EYS: variants seen among roughly 807,000 people sequenced by gnomAD.
EYS encodes the protein protein eyes shut homolog.
In EYS, 250 loss-of-function variants were observed where a neutral mutation model predicts 282.1. The observed-to-expected ratio is 0.89, with a 90% CI of 0.80 to 0.98. The LOEUF (loss-of-function observed/expected upper bound fraction) is 0.98, where lower values mean the gene tolerates loss of function less well. EYS is among the 50% of genes least tolerant of loss of function. EYS has a pLI of 0.00. For synonymous variants in EYS, 1,355 were observed against 1,282.9 expected (o/e 1.06, Z -1.20); for missense variants, 4,016 against 3,709.0 (o/e 1.08, Z -2.15).
intron 5 of EYS, among the ~76,000 whole-genome samples, chr6:65,489,188 G>T (rs1765928588): frequency 6.6e-6 from 1 of 152,104 alleles, no homozygotes; most frequent in Non-Finnish European, 1.5e-5. Flanking sequence ...GAGTGAACAG[G>T]CAACCTACAG....
chr6:64,197,261 A>G (rs531147801), intron 31 of EYS, among the ~76,000 whole-genome samples: 2 of 152,028 alleles, frequency 1.3e-5, no homozygotes, highest in Non-Finnish European at 2.9e-5. Flanking sequence ...CGATTTTCTT[A>G]GCTAGTGTTT....
At chr6:64,066,652 G>T (rs993422722) in intron 32 of EYS, among the ~76,000 whole-genome samples, 161 bp from the exon 33 acceptor site, 1 of 152,042 alleles carries the variant, frequency 6.6e-6, no homozygotes, top group Non-Finnish European at 1.5e-5. Context: ...TATTAGAAAC[G>T]TACATTATTG....
At chr6:64,107,285 T>TATATATATA (rs1773053230) in intron 31 of EYS, among the ~76,000 whole-genome samples, 4 of 101,502 alleles carry the variant, frequency 3.9e-5, no homozygotes, top group East Asian at 6.1e-4. Flanking sequence ...ATATATATAT[T>TATATATATA]TATATATATA....
intron 35 of EYS, among the ~76,000 whole-genome samples, chr6:63,886,055 C>T (rs1773254015): frequency 6.6e-6 from 1 of 152,138 alleles, no homozygotes. Context: ...TGAATGTTGG[C>T]ATCTGAGATT....
intron 2 of EYS, among the ~76,000 whole-genome samples, chr6:65,533,867 C>T (rs528632282): frequency 6.6e-6 from 1 of 152,216 alleles, no homozygotes; most frequent in East Asian, 1.9e-4. Flanking sequence ...GACTAAGACA[C>T]TCACTCTGGC....
intron 22 of EYS, among the ~76,000 whole-genome samples, chr6:64,698,544 G>A (rs1770666573): frequency 6.6e-6 from 1 of 152,036 alleles, no homozygotes; most frequent in Admixed American, 6.6e-5. Context: ...GGAGTAAATA[G>A]ACAACCTATG....
chr6:64,232,651 C>T (rs552641278), intron 30 of EYS, among the ~76,000 whole-genome samples: 1 of 152,122 alleles, frequency 6.6e-6, no homozygotes, highest in Non-Finnish European at 1.5e-5. Context: ...TCGGCCCCCC[C>T]AGAGCATTGG....
chr6:64,514,258 G>A (rs2150521234), intron 26 of EYS, among the ~76,000 whole-genome samples: 1 of 151,920 alleles, frequency 6.6e-6, no homozygotes, highest in Admixed American at 6.6e-5. Flanking sequence ...AAAACCAAGT[G>A]TGAGTGAATA....
chr6:64,727,105 A>G (rs972094988), intron 22 of EYS, among the ~76,000 whole-genome samples: 1 of 152,248 alleles, frequency 6.6e-6, no homozygotes, highest in South Asian at 2.1e-4. Context: ...AATGTTTTGT[A>G]CATATAATTT....
chr6:65,079,234 T>C (rs930682493), intron 12 of EYS, among the ~76,000 whole-genome samples: 12 of 152,052 alleles, frequency 7.9e-5, no homozygotes, highest in Admixed American at 5.9e-4. Flanking sequence ...AATAGAAACA[T>C]TGAGAGATGC....
intron 35 of EYS, among the ~76,000 whole-genome samples, chr6:63,934,223 C>T (rs1247285454): frequency 7.9e-5 from 12 of 152,178 alleles, no homozygotes; most frequent in East Asian, 1.9e-4. Context: ...CCAGTTAGAA[C>T]GGCGATCATT....
intron 30 of EYS, among the ~76,000 whole-genome samples, chr6:64,243,677 C>A (rs766263939): frequency 6.6e-6 from 1 of 152,138 alleles, no homozygotes; most frequent in African/African-American, 2.4e-5. Context: ...TTGGTGGATC[C>A]AGCCAGCTTC....
At chr6:64,422,048 A>G (rs997817348) in intron 28 of EYS, among the ~76,000 whole-genome samples, 1 of 152,164 alleles carries the variant, frequency 6.6e-6, no homozygotes, top group African/African-American at 2.4e-5. Context: ...ATCCTACAAT[A>G]CAAAGGACAG....
intron 12 of EYS, among the ~76,000 whole-genome samples, chr6:65,213,777 A>T (rs1477223702): frequency 1.3e-5 from 2 of 152,154 alleles, no homozygotes; most frequent in Non-Finnish European, 2.9e-5. Flanking sequence ...ATAATCCTAC[A>T]TGGCCTTTAA....
intron 14 of EYS, among the ~76,000 whole-genome samples, chr6:64,994,498 C>G (rs1001946917): frequency 6.6e-6 from 1 of 151,960 alleles, no homozygotes; most frequent in African/African-American, 2.4e-5. Context: ...ACAAGCAGGC[C>G]GGTGACTCTT....
chr6:65,685,836 C>A (rs767686711), intron 1 of EYS, among the ~76,000 whole-genome samples: 1 of 151,964 alleles, frequency 6.6e-6, no homozygotes, highest in Non-Finnish European at 1.5e-5. Flanking sequence ...AATATATTCT[C>A]ATTAAAATTC....
At chr6:64,774,591 G>A (rs1251930467) in intron 22 of EYS, among the ~76,000 whole-genome samples, 1 of 151,878 alleles carries the variant, frequency 6.6e-6, no homozygotes, top group African/African-American at 2.4e-5. Context: ...GCCAGTACAA[G>A]GACTTCATTT....
Position 65,235,861 on chromosome 6 carries a change from T to A in EYS, c.2023+60002A>T, listed in dbSNP as rs1766909853. Among the ~76,000 whole-genome samples, 3 of 152,236 alleles carry A rather than the reference T, an allele frequency of 2.0e-5. No individual in the cohort carries two copies. The South Asian group carries it at 6.2e-4, about 32-fold the overall frequency. On this transcript the variant is annotated intron_variant, in intron 12 of 42. Coordinates refer to ENST00000503581, the MANE Select transcript of EYS (RefSeq NM_001142800.2). ...ATCAGCATTGCTTACATATGATTAA[T>A]GACTCTTTAAAGGGAAAAAAAATCT...
intron 36 of EYS, among the ~76,000 whole-genome samples, chr6:63,810,121 T>G (rs1582229535): frequency 6.8e-6 from 1 of 147,552 alleles, no homozygotes. Flanking sequence ...ATTAGCCGAG[T>G]GTGGTGGCAC....
Sources: allele counts gnomAD v4.1 joint callset (sites outside exome capture counted in the v4.1 genomes callset), GRCh38; gene constraint gnomAD v4.1.1; transcripts MANE v1.5; gene names NCBI Gene and HGNC (gene_info 2026-07-23, HGNC 2026-07-21).